TAFA1: variants seen among roughly 807,000 people sequenced by gnomAD.
TAFA1 encodes TAFA chemokine like family member 1, also known as chemokine-like protein TAFA-1.
TAFA1 carries 4 observed loss-of-function variants against 18.5 expected under a neutral mutation model. The ratio of observed to expected loss-of-function variants is 0.22; its 90% CI spans 0.11 to 0.49. TAFA1 has a LOEUF of 0.49. Ranked by LOEUF, TAFA1 falls within the 20% of genes least tolerant of loss-of-function variation. The pLI, the probability that TAFA1 is intolerant of heterozygous loss-of-function variation, is 0.98. For missense variants in TAFA1, 147 were observed against 169.0 expected (o/e 0.87, Z 0.72); for synonymous variants, 56 against 55.2 (o/e 1.01, Z -0.06).
intron 2 of TAFA1, chr3:68,145,219 G>A (rs61737909): frequency 0.026 from 21,008 of 795,198 alleles, 411 homozygotes; most frequent in East Asian, 0.098. Flanking sequence ...CTGAACTTGG[G>A]GGAATTTGGT....
chr3:68,353,112 C>G lies in TAFA1; in HGVS notation c.119-64168C>G, dbSNP rs143100506. 3.1e-3 allele frequency among the ~76,000 whole-genome samples: 472 copies of G among 152,080 alleles called. 6 individuals carry two copies. Among genetic ancestry groups the G allele is most frequent in the African/African-American group, 0.011 (440 of 41,510 alleles). Reference sequence around the variant, plus strand: ...ATTGTGTTCACTGGAGAAAAAAGCACACTTCACAGATTTGTTGCTCTCCAC... The same window carrying G: ...ATTGTGTTCACTGGAGAAAAAAGCAGACTTCACAGATTTGTTGCTCTCCAC... On this transcript the variant is annotated intron_variant, in intron 2 of 4. Coordinates refer to ENST00000478136, the MANE Select transcript of TAFA1 (RefSeq NM_213609.4).
chr3:68,405,888 C>T (rs552221233), intron 2 of TAFA1, among the ~76,000 whole-genome samples: 1 of 151,902 alleles, frequency 6.6e-6, no homozygotes, highest in Non-Finnish European at 1.5e-5. Flanking sequence ...ACCCTTTCAT[C>T]CTCCTCCAGT....
At chr3:68,456,783 C>CT (rs1299103377) in intron 3 of TAFA1, among the ~76,000 whole-genome samples, 1 of 152,112 alleles carries the variant, frequency 6.6e-6, no homozygotes, top group African/African-American at 2.4e-5. Flanking sequence ...TCCCACTTTT[C>CT]TTTTTTCTTT....
At chr3:68,351,752 G>T (rs936983080) in intron 2 of TAFA1, among the ~76,000 whole-genome samples, 1 of 151,944 alleles carries the variant, frequency 6.6e-6, no homozygotes. Context: ...GATTCCTCTG[G>T]TATCATCTCC....
chr3:68,245,229 T>C (rs1322187090), intron 2 of TAFA1, among the ~76,000 whole-genome samples: 6 of 152,228 alleles, frequency 3.9e-5, no homozygotes. Context: ...CAATACACTT[T>C]GTCGTGCCAG....
chr3:68,465,509 A>T (rs1260449832), intron 3 of TAFA1, among the ~76,000 whole-genome samples: 4 of 152,188 alleles, frequency 2.6e-5, no homozygotes, highest in Non-Finnish European at 2.9e-5. Context: ...ATAATTGAAA[A>T]GTGAAAGAAG....
chr3:68,348,350 T>C (rs190666711), intron 2 of TAFA1, among the ~76,000 whole-genome samples: 32 of 152,300 alleles, frequency 2.1e-4, no homozygotes, highest in Admixed American at 1.1e-3. Flanking sequence ...ACTATACTTA[T>C]GGACTGCTTC....
intron 2 of TAFA1, among the ~76,000 whole-genome samples, chr3:68,122,553 T>C (rs1219715626): frequency 6.6e-6 from 1 of 152,138 alleles, no homozygotes; most frequent in Admixed American, 6.5e-5. Flanking sequence ...TAATCCTGTA[T>C]CAGGAGAGAA....
chr3:68,103,775 C>T (rs2106822455), intron 2 of TAFA1, among the ~76,000 whole-genome samples: 1 of 152,256 alleles, frequency 6.6e-6, no homozygotes, highest in Non-Finnish European at 1.5e-5. Context: ...AGGCTCTGTC[C>T]TAAACACCTT....
At chr3:68,327,461 T>C (rs1333923374) in intron 2 of TAFA1, among the ~76,000 whole-genome samples, 2 of 152,156 alleles carry the variant, frequency 1.3e-5, no homozygotes, top group African/African-American at 2.4e-5. Context: ...GAGTGAAGTA[T>C]GGGCTTTGAT....
intron 2 of TAFA1, among the ~76,000 whole-genome samples, chr3:68,396,384 C>T (rs1241326154): frequency 1.3e-5 from 2 of 152,166 alleles, no homozygotes; most frequent in Non-Finnish European, 2.9e-5. Flanking sequence ...TTCTCTGTCT[C>T]TACTACCTTT....
chr3:68,538,140 A>C (rs927130563), intron 3 of TAFA1, among the ~76,000 whole-genome samples: 3 of 151,756 alleles, frequency 2.0e-5, no homozygotes, highest in Non-Finnish European at 4.4e-5. Context: ...CAGTGGAGTC[A>C]GTTGCTAGAA....
intron 2 of TAFA1, among the ~76,000 whole-genome samples, chr3:68,380,591 C>T (rs2069926167): frequency 6.6e-6 from 1 of 152,038 alleles, no homozygotes; most frequent in Non-Finnish European, 1.5e-5. Flanking sequence ...CTGTTCATAT[C>T]CTTCGCCCAC....
intron 2 of TAFA1, among the ~76,000 whole-genome samples, chr3:68,192,007 A>G (rs1237959577): frequency 1.3e-5 from 2 of 151,738 alleles, no homozygotes; most frequent in African/African-American, 4.8e-5. Context: ...TTCTTGGTTT[A>G]TCTGCTTTTG....
chr3:68,399,422 A>G (rs1439661137), intron 2 of TAFA1, among the ~76,000 whole-genome samples: 1 of 152,138 alleles, frequency 6.6e-6, no homozygotes, highest in African/African-American at 2.4e-5. Flanking sequence ...CCAGTTGACT[A>G]AGAATCAGTT....
intron 2 of TAFA1, among the ~76,000 whole-genome samples, chr3:68,214,763 A>G (rs918543243): frequency 6.6e-6 from 1 of 152,094 alleles, no homozygotes; most frequent in Non-Finnish European, 1.5e-5. Flanking sequence ...TGCCCTTTCA[A>G]ACTACCTCCT....
chr3:68,402,410 A>C (rs1391471779), intron 2 of TAFA1, among the ~76,000 whole-genome samples: 1 of 152,104 alleles, frequency 6.6e-6, no homozygotes, highest in African/African-American at 2.4e-5. Flanking sequence ...GAAAAGAAAA[A>C]CTTATTTATC....
intron 3 of TAFA1, among the ~76,000 whole-genome samples, chr3:68,462,620 T>C (rs1004032335): frequency 6.6e-6 from 1 of 152,214 alleles, no homozygotes; most frequent in Non-Finnish European, 1.5e-5. Context: ...AAATAAGATA[T>C]TCTAGTTCCT....
intron 2 of TAFA1, among the ~76,000 whole-genome samples, chr3:68,117,594 C>T (rs1231085852): frequency 6.6e-6 from 1 of 152,138 alleles, no homozygotes; most frequent in Non-Finnish European, 1.5e-5. Context: ...GCTACTTCTG[C>T]AAATGAGAGT....
Sources: allele counts gnomAD v4.1 joint callset (sites outside exome capture counted in the v4.1 genomes callset), GRCh38; gene constraint gnomAD v4.1.1; transcripts MANE v1.5; gene names NCBI Gene and HGNC (gene_info 2026-07-23, HGNC 2026-07-21).